Variants in PEX5 observed in about 807,000 individuals in gnomAD.
PEX5 encodes PTS1 receptor.
A neutral mutation model predicts 82.9 loss-of-function variants in PEX5; 52 were observed. The ratio of observed to expected loss-of-function variants is 0.63; its 90% CI spans 0.50 to 0.79. The LOEUF (loss-of-function observed/expected upper bound fraction) is 0.79. Ranked by LOEUF, PEX5 falls within the 30% of genes least tolerant of loss-of-function variation. The pLI is 0.00. For synonymous variants in PEX5, 300 were observed against 318.8 expected, an observed-to-expected ratio of 0.94 and a Z score of 0.63; for missense variants, 719 against 815.2, an observed-to-expected ratio of 0.88 and a Z score of 1.44.
At chr12:7,200,309 G>A (rs757096990) in intron 6 of PEX5, among the ~76,000 whole-genome samples, 5 of 151,520 alleles carry the variant, frequency 3.3e-5, no homozygotes, top group African/African-American at 4.8e-5. Context: ...GGGCAGAGAC[G>A]CTCCTCACTT....
chr12:7,201,475 ATAATTTTAC>A (rs1565702172), intron 6 of PEX5, among the ~76,000 whole-genome samples: 1 of 152,214 alleles, frequency 6.6e-6, no homozygotes, highest in Non-Finnish European at 1.5e-5. Context: ...CTTAAAGTTC[ATAATTTTAC>A]CTTGTTCCCT....
intron 5 of PEX5, among the ~76,000 whole-genome samples, chr12:7,193,234 CTTT>C (rs11339507): frequency 3.5e-4 from 42 of 121,074 alleles, no homozygotes; most frequent in Admixed American, 5.2e-4. Context: ...TCTTGAGATT[CTTT>C]TTTTTTTTTT....
At chr12:7,197,394 A>ATATATGTCATATACAATGTAAT (rs1942865182) in intron 5 of PEX5, among the ~76,000 whole-genome samples, 1 of 50,090 alleles carries the variant, frequency 2.0e-5, no homozygotes, top group Non-Finnish European at 3.9e-5. Flanking sequence ...TGTAATAATT[A>ATATATGTCATATACAATGTAAT]TATATATGTC....
In PEX5 at chr12:7,209,006, T is replaced by C; in HGVS notation, c.1396T>C (p.Ser466Pro). ...TGTGTTTTTTTCCTTTTCATCCAGC[T>C]CCCTGTTTCTTGAAGTGAAAGAGCT... ...KRILGSLLSD[S>P]LFLEVKELFL... Residue 466 changes from serine (S) to proline (P), a missense_variant and splice_region_variant, in exon 14 of 16, where the codon TCC becomes CCC. Transcript: ENST00000675855. 1.9e-6 allele frequency: 3 copies of C among 1,614,054 alleles called. No homozygotes were observed. Among genetic ancestry groups the C allele is most frequent in the Non-Finnish European group, 2.5e-6 (3 of 1,179,924 alleles).
chr12:7,191,760 C>T, intron 5 of PEX5, 60 bp downstream of exon 5: 3 of 1,487,896 alleles, frequency 2.0e-6, no homozygotes, highest in Non-Finnish European at 2.8e-6. Flanking sequence ...CTATACCCTT[C>T]CCCTGTTCAC....
intron 13 of PEX5, 147 bp from the exon 14 acceptor site, chr12:7,208,858 C>A: frequency 1.1e-6 from 1 of 898,574 alleles, no homozygotes; most frequent in Non-Finnish European, 1.8e-6. Context: ...GAAAAACAGG[C>A]TTCTATATTG....
Position 7,191,265 on chromosome 12 carries a change from G to T in PEX5, c.223G>T (p.Val75Leu). 1 of 1,614,120 alleles carries T rather than the reference G, an allele frequency of 6.2e-7. No individual in the cohort carries two copies. Among genetic ancestry groups the T allele is most frequent in the Non-Finnish European group, 8.5e-7 (1 of 1,180,012 alleles). Residue 75 changes from valine to leucine, a missense_variant, in exon 4 of 16, where the codon GTG becomes TTG. Transcript: ENST00000675855. ...CCTGCAGGACCAGAATGCACCCCTTGTGTCCCGTGCCCCTCAGACCTTCAA... is the reference window on the plus strand; with the variant it reads ...CCTGCAGGACCAGAATGCACCCCTTTTGTCCCGTGCCCCTCAGACCTTCAA... ...EFLQDQNAPL[V>L]SRAPQTFKMD...
chr12:7,197,895 A>G (rs1177312901), intron 5 of PEX5, among the ~76,000 whole-genome samples: 2 of 152,166 alleles, frequency 1.3e-5, no homozygotes, highest in African/African-American at 2.4e-5. Context: ...TGTCCTTGTC[A>G]TGGGCCAGGA....
intron 17 of PEX5, among the ~76,000 whole-genome samples, chr12:7,217,310 A>T (rs1303460378): frequency 6.6e-6 from 1 of 152,268 alleles, no homozygotes; most frequent in Non-Finnish European, 1.5e-5. Flanking sequence ...TCCAAAATTT[A>T]GTGGCTTAAA....
rs1565688620 is a variant in PEX5 at position 7,197,391 on chromosome 12, A to ATTATATATGTCATATACAATGTAATAC, written c.449-1612_449-1611insGTCATATACAATGTAATACTTATATAT. The stretch of plus-strand genomic sequence containing the variant: ...TATATATGTCATATACAATGTAATA[A>ATTATATATGTCATATACAATGTAATAC]TTATATATATGTCATATACAATGTA... On this transcript the variant is annotated intron_variant, in intron 5 of 15. Coordinates refer to ENST00000675855, the MANE Select transcript of PEX5 (RefSeq NM_001351132.2). Among the ~76,000 whole-genome samples the ATTATATATGTCATATACAATGTAATAC allele has an allele frequency of 2.7e-4, 28 of 104,574 alleles. 8 individuals are homozygous for ATTATATATGTCATATACAATGTAATAC. The South Asian group carries it at 5.1e-3, about 19-fold the overall frequency. The allele number at this position is 104,574 out of a possible 152,430, so 68.6% of individuals were successfully genotyped here.
intron 5 of PEX5, among the ~76,000 whole-genome samples, chr12:7,192,115 C>G (rs747392531): frequency 4.1e-4 from 62 of 152,216 alleles, no homozygotes; most frequent in African/African-American, 1.5e-3. Flanking sequence ...AAGTGTATGG[C>G]TTTAGAAGGT....
chr12:7,193,474 TCCA>T (rs1565676772), intron 5 of PEX5, among the ~76,000 whole-genome samples: 1 of 152,040 alleles, frequency 6.6e-6, no homozygotes, highest in African/African-American at 2.4e-5. Context: ...CCTTAAGTAA[TCCA>T]CCACAGCCTC....
At position 7,197,311 on chromosome 12, in the gene PEX5, AATC is replaced by A. The variant is rs1303813125; in HGVS notation, c.449-1697_449-1695del. Among the ~76,000 whole-genome samples the A allele has an allele frequency of 4.7e-5, 6 of 129,006 alleles. No individual in the cohort carries two copies. The South Asian group carries it at 1.2e-3, about 26-fold the overall frequency. The allele number at this position is 129,006 out of a possible 152,430, so 84.6% of individuals were successfully genotyped here. A position where few individuals can be genotyped will look rare whatever the true frequency, so the allele number is the denominator to read the frequency against. On this transcript the variant is annotated intron_variant, in intron 5 of 15. Coordinates refer to ENST00000675855, the MANE Select transcript of PEX5 (RefSeq NM_001351132.2). ...TAATTATATATGTCATATATAATGT[AATC>A]ATATGTCATATACAATGTAATAATT...
intron 2 of PEX5, 47 bp downstream of exon 2, chr12:7,190,571 T>A: frequency 1.3e-6 from 1 of 787,410 alleles, no homozygotes; most frequent in South Asian, 1.6e-5. Flanking sequence ...TCTGAGGCAG[T>A]GAGTGTTCTT....
Position 7,189,742 on chromosome 12 carries a change from C to G in PEX5, c.-25C>G, listed in dbSNP as rs748832053. 2.1e-4 allele frequency: 89 copies of G among 414,766 alleles called. No individual in the cohort carries two copies. Among genetic ancestry groups the G allele is most frequent in the African/African-American group, 1.8e-3 (86 of 47,928 alleles). 25.7% of individuals were successfully genotyped at this position (414,766 alleles called of 1,614,324 possible). On this transcript the variant is annotated 5_prime_UTR_variant, in exon 1 of 16. Coordinates refer to ENST00000675855, the MANE Select transcript of PEX5 (RefSeq NM_001351132.2). Reference sequence around the variant, plus strand: ...TGCCCCGGCGGGTCGTGCGGCGCGGCGCTCCGCGGTGAGCGCCTGACCCCG... The same window carrying G: ...TGCCCCGGCGGGTCGTGCGGCGCGGGGCTCCGCGGTGAGCGCCTGACCCCG...
Position 7,193,526 on chromosome 12 carries a change from G to A in PEX5, c.448+1826G>A, listed in dbSNP as rs139820158. Among the ~76,000 whole-genome samples the A allele has an allele frequency of 1.2e-3, 186 of 152,226 alleles. 1 individual carries two copies. The highest frequency in any genetic ancestry group is 4.3e-3 in the African/African-American group (178 of 41,532). On this transcript the variant is annotated intron_variant, in intron 5 of 15. Coordinates refer to ENST00000675855, the MANE Select transcript of PEX5 (RefSeq NM_001351132.2). ...ATTACAAGCGTGAGCCACCGCACGC[G>A]CCCTCACGTTGAGATTCTTTGTGAA...
At position 7,200,067 on chromosome 12, in the gene PEX5, G is replaced by A. The variant is rs1943549863; in HGVS notation, c.551+954G>A. On this transcript the variant is annotated intron_variant, in intron 6 of 15. Coordinates refer to ENST00000675855, the MANE Select transcript of PEX5 (RefSeq NM_001351132.2). ...CGGACGGGGCGGCTGGCCGGGCGGG[G>A]GGCTGACCCCCACCTCCCTCCCGGA... Among the ~76,000 whole-genome samples, 3 of 136,542 alleles carry A rather than the reference G, an allele frequency of 2.2e-5. 1 individual carries two copies. The highest frequency in any genetic ancestry group is 4.9e-5 in the Non-Finnish European group (3 of 61,178). The allele number at this position is 136,542 out of a possible 152,430, so 89.6% of individuals were successfully genotyped here.
rs1369524555 is a variant in PEX5 at position 7,207,665 on chromosome 12, C to G, written c.973C>G (p.Gln325Glu). The G allele has an allele frequency of 6.2e-7, 1 of 1,614,076 alleles. No homozygotes were observed. The highest frequency in any genetic ancestry group is 1.7e-5 in the Admixed American group (1 of 60,016). Residue 325 changes from glutamine (Q) to glutamate (E), a missense_variant, in exon 11 of 16, where the codon CAG (glutamine) becomes GAG (glutamate). Transcript: ENST00000675855. ...LTSATYDKGY[Q>E]FEEENPLRDH... ...TCACGTGCTTTTCTTGTAGGGGTACCAGTTTGAGGAGGAGAACCCCTTGCG... is the reference window on the plus strand; with the variant it reads ...TCACGTGCTTTTCTTGTAGGGGTACGAGTTTGAGGAGGAGAACCCCTTGCG...
Position 7,191,930 on chromosome 12 carries a change from TTTGG to T in PEX5, c.448+235_448+238del, listed in dbSNP as rs1332523546. ...GATTTTGGATAGAGAGAACGAAGAGTTTGGTTGGCCTTTTTACTTTATCACTGTG... is the reference window on the plus strand; with the variant it reads ...GATTTTGGATAGAGAGAACGAAGAGTTTGGCCTTTTTACTTTATCACTGTG... On this transcript the variant is annotated intron_variant, in intron 5 of 15. Coordinates refer to ENST00000675855, the MANE Select transcript of PEX5 (RefSeq NM_001351132.2). Among the ~76,000 whole-genome samples the T allele has an allele frequency of 4.6e-5, 7 of 152,004 alleles. No individual in the cohort carries two copies. In the East Asian group the frequency reaches 5.8e-4, roughly 13 times the overall value.
Sources: gnomAD v4.1 joint callset for allele counts (sites outside exome capture counted in the v4.1 genomes callset) on GRCh38, gnomAD v4.1.1 for gene constraint, MANE v1.5 for transcripts, NCBI Gene and HGNC (gene_info 2026-07-23, HGNC 2026-07-21) for gene names.